The following MYBBP1A variants were observed in gnomAD, a reference collection of about 807,000 sequenced individuals.
The protein encoded by MYBBP1A is MYB binding protein 1a, also known as myb-binding protein 1A.
A neutral mutation model predicts 136.3 loss-of-function variants in MYBBP1A; 147 were observed. The ratio of observed to expected loss-of-function variants is 1.08; its 90% CI spans 0.94 to 1.24. The LOEUF is 1.24. Among genes scored for constraint, MYBBP1A ranks in the 50% most tolerant of loss-of-function variants. MYBBP1A has a pLI of 0.00. For missense variants in MYBBP1A, 2,060 were observed against 1,727.4 expected (o/e 1.19, Z -3.41); for synonymous variants, 947 against 735.8 (o/e 1.29, Z -4.65).
At position 4,545,624 on chromosome 17, in the gene MYBBP1A, G is replaced by A. The variant is rs139129692; in HGVS notation, c.2059C>T (p.Gln687Ter). ...TCCCAACTCACATCCAGAATTAGCT[G>A]CAGGGCACGCGGGGTCAGGTGGGAG... Reference protein sequence around the residue: ...ICSHLTPRALQLILDVLNPET... With the variant: ...ICSHLTPRAL Residue 687 changes from glutamine (Q) to a stop codon, truncating the protein, a stop_gained, in exon 15 of 26, where the codon CAG becomes TAG. Coordinates refer to ENST00000254718, the MANE Select transcript of MYBBP1A (RefSeq NM_014520.4). LOFTEE classifies it high-confidence loss of function. The A allele has an allele frequency of 3.1e-6, 5 of 1,591,596 alleles. No homozygotes were observed. Among genetic ancestry groups the A allele is most frequent in the Non-Finnish European group, 4.3e-6 (5 of 1,165,484 alleles).
In MYBBP1A at chr17:4,542,626, G is replaced by A. The variant is rs770194644; in HGVS notation, c.3008C>T (p.Ser1003Phe). ...LTVPMFLSLF[S>F]RHPVLCQSLL... ...GGCCCCAACACTCACCGGGTGCCGG[G>A]AGAAGAGGCTGAGGAACATGGGAAC... The change falls in exon 21 of 26, where the codon TCC becomes TTC. Residue 1003 changes from serine to phenylalanine, a missense_variant. Ser to Phe is a radical substitution (Grantham distance 155, BLOSUM62 -2). Coordinates refer to ENST00000254718, the MANE Select transcript of MYBBP1A (RefSeq NM_014520.4). 1.2e-6 allele frequency: 2 copies of A among 1,614,020 alleles called. No homozygotes were observed. Among genetic ancestry groups the A allele is most frequent in the African/African-American group, 1.3e-5 (1 of 75,036 alleles).
Position 4,548,415 on chromosome 17 carries a change from A to G in MYBBP1A, c.1557-105T>C, listed in dbSNP as rs1907194844. The G allele has an allele frequency of 6.2e-7, 1 of 1,604,988 alleles. No individual in the cohort carries two copies. Among genetic ancestry groups the G allele is most frequent in the Non-Finnish European group, 8.5e-7 (1 of 1,174,014 alleles). ...GTCTCCCGCCTCTCCAGGACCTACTAGAACTCCGGGGGCCTCTGCCGTTGT... is the reference window on the plus strand; with the variant it reads ...GTCTCCCGCCTCTCCAGGACCTACTGGAACTCCGGGGGCCTCTGCCGTTGT... On this transcript the variant is annotated intron_variant, in intron 11 of 25. Coordinates refer to ENST00000254718, the MANE Select transcript of MYBBP1A (RefSeq NM_014520.4). This position sits in a 1 kb window ranked among gnomAD's most constrained non-coding sequence, Gnocchi z 4.2.
intron 22 of MYBBP1A, 66 bp downstream of exon 22, chr17:4,542,398 A>C: frequency 1.3e-6 from 2 of 1,508,106 alleles, no homozygotes; most frequent in African/African-American, 2.8e-5. Flanking sequence ...CACAATATCC[A>C]GTCAGAAGAG....
chr17:4,554,825 T>C (rs781150946), intron 2 of MYBBP1A, 36 bp downstream of exon 2: 2 of 1,601,584 alleles, frequency 1.2e-6, no homozygotes, highest in South Asian at 1.1e-5. Context: ...CATTTTGACC[T>C]GGATGGCTGG....
rs537552292 is a variant in MYBBP1A at position 4,548,794 on chromosome 17, C to T, written c.1431-145G>A. 1.1e-4 allele frequency: 128 copies of T among 1,152,872 alleles called. No individual in the cohort carries two copies. The highest frequency in any genetic ancestry group is 6.6e-4 in the East Asian group (26 of 39,524). The allele number at this position is 1,152,872 out of a possible 1,614,324, so 71.4% of individuals were successfully genotyped here. On this transcript the variant is annotated intron_variant, in intron 10 of 25. Transcript: ENST00000254718. The surrounding 1 kb of genome is among the most constrained non-coding windows in gnomAD (Gnocchi z 4.2). ...CTGGGTACAGTCCTCGGGGGCCTGA[C>T]GGGCAAGGCTGGAGGGGGCTGGGCT...
At chr17:4,541,611 G>T in intron 23 of MYBBP1A, 47 bp from the exon 24 acceptor site, 1 of 1,583,706 alleles carries the variant, frequency 6.3e-7, no homozygotes, top group Non-Finnish European at 8.6e-7. Flanking sequence ...GCTGCTCAAA[G>T]CCTTTCTGTT....
rs747379010 is a variant in MYBBP1A, at chr17:4,542,623, C to T, written c.3011G>A (p.Arg1004Gln). 2.2e-5 allele frequency: 36 copies of T among 1,613,716 alleles called. No individual in the cohort carries two copies. Among genetic ancestry groups the T allele is most frequent in the East Asian group, 8.9e-5 (4 of 44,882 alleles). The change falls in exon 21 of 26, where the codon CGG becomes CAG. Residue 1004 changes from arginine (R) to glutamine (Q), a missense_variant. By Grantham distance (43) the Arg-to-Gln change is conservative. Coordinates refer to ENST00000254718, the MANE Select transcript of MYBBP1A (RefSeq NM_014520.4). ...TVPMFLSLFS[R>Q]HPVLCQSLLP... is the part of the protein sequence containing the mutation. The stretch of plus-strand genomic sequence containing the variant: ...GCAGGCCCCAACACTCACCGGGTGC[C>T]GGGAGAAGAGGCTGAGGAACATGGG...
Position 4,544,416 on chromosome 17 carries a change from A to G in MYBBP1A, c.2639+73T>C, listed in dbSNP as rs1208635502. The G allele has an allele frequency of 9.2e-6, 14 of 1,524,222 alleles. No homozygotes were observed. The South Asian group carries it at 9.7e-5, about 11-fold the overall frequency. The allele number at this position is 1,524,222 out of a possible 1,614,324, so 94.4% of individuals were successfully genotyped here. A position where few individuals can be genotyped will look rare whatever the true frequency, so the allele number is the denominator to read the frequency against. On this transcript the variant is annotated intron_variant, in intron 19 of 25. Coordinates refer to ENST00000254718, the MANE Select transcript of MYBBP1A (RefSeq NM_014520.4). Reference sequence around the variant, plus strand: ...CTCTCTCCTTCCTGTGCAGACAGCAAGCCTAGAGCTCTGGCTCTCCTGCGC... The same window carrying G: ...CTCTCTCCTTCCTGTGCAGACAGCAGGCCTAGAGCTCTGGCTCTCCTGCGC...
intron 13 of MYBBP1A, 191 bp downstream of exon 13, chr17:4,547,767 C>T: frequency 3.7e-6 from 2 of 534,902 alleles, no homozygotes; most frequent in Non-Finnish European, 6.6e-6. Context: ...AAGCCTAGGA[C>T]ACCAGCTGGT....
At chr17:4,540,134 GGGTCCTGCGAGGGTCCTGCGAGGC>G (rs1428566957) in intron 25 of MYBBP1A, among the ~76,000 whole-genome samples, 167 bp from the exon 26 acceptor site, 38 of 148,306 alleles carry the variant, frequency 2.6e-4, no homozygotes, top group African/African-American at 8.1e-4. Flanking sequence ...CGAGGCCCCT[GGGTCCTGCGAGGGTCCTGCGAGGC>G]TCCTGCGAGG....
chr17:4,545,215 C>A (rs1029940330), intron 16 of MYBBP1A, 40 bp from the exon 17 acceptor site: 2 of 1,612,840 alleles, frequency 1.2e-6, no homozygotes, highest in East Asian at 4.5e-5. Context: ...CCTCCCCGAT[C>A]GTCCCACTCC....
intron 19 of MYBBP1A, chr17:4,543,367 G>GAT: frequency 1.5e-6 from 1 of 668,990 alleles, no homozygotes; most frequent in Non-Finnish European, 2.5e-6. Flanking sequence ...GGGTGACAGG[G>GAT]GCGCTCCAGG....
At chr17:4,545,988 G>C in intron 13 of MYBBP1A, 46 bp from the exon 14 acceptor site, 2 of 1,573,656 alleles carry the variant, frequency 1.3e-6, no homozygotes, top group South Asian at 2.3e-5. Context: ...CCTGTCCCCA[G>C]CCCTTCTAAA....
In MYBBP1A at chr17:4,554,029, C is replaced by T. The variant is rs767133320; in HGVS notation, c.443G>A (p.Arg148Gln). The T allele has an allele frequency of 7.1e-5, 114 of 1,613,904 alleles. No homozygotes were observed. Among genetic ancestry groups the T allele is most frequent in the South Asian group, 3.0e-4 (27 of 91,078 alleles). ...CTCCAAAGCTCTTACCTTCACCAGCCGACCTGACTGAAAGAGGGCGAGCAC... is the reference window on the plus strand; with the variant it reads ...CTCCAAAGCTCTTACCTTCACCAGCTGACCTGACTGAAAGAGGGCGAGCAC... ...FGVLALFQSGRLVKDQEALMK... is the reference protein window; with the variant it reads ...FGVLALFQSGQLVKDQEALMK... The change falls in exon 4 of 26, where the codon CGG becomes CAG. Residue 148 changes from arginine (R) to glutamine (Q), a missense_variant. Coordinates refer to ENST00000254718, the MANE Select transcript of MYBBP1A (RefSeq NM_014520.4).
rs1159311813 is a variant in MYBBP1A, at chr17:4,539,907, G to A, written c.3495C>T (p.Ile1165=). The change falls in exon 26 of 26, where the codon ATC becomes ATT. Residue 1165 remains isoleucine, a synonymous_variant. Transcript: ENST00000254718. ...ATCCCTTTTTCTTCCGCTTCTTACT[G>A]ATGGGGCTCTGGGTGGCACTGGGGA... The part of the protein sequence containing the change: ...KEIPSATQSP[I]SKKRKKKGFL... 5.6e-6 allele frequency: 9 copies of A among 1,600,504 alleles called. No homozygotes were observed. The African/African-American group carries it at 8.0e-5, about 14-fold the overall frequency.
At chr17:4,540,704 C>T (rs1906334289) in intron 24 of MYBBP1A, among the ~76,000 whole-genome samples, 2 of 152,078 alleles carry the variant, frequency 1.3e-5, no homozygotes, top group African/African-American at 4.8e-5. Flanking sequence ...TAGCCAAAGG[C>T]CTGGTCTCAG....
At position 4,545,145 on chromosome 17, in the gene MYBBP1A, T is replaced by C; in HGVS notation, c.2191A>G (p.Ser731Gly). The C allele has an allele frequency of 6.2e-7, 1 of 1,613,326 alleles. No individual in the cohort carries two copies. Among genetic ancestry groups the C allele is most frequent in the Non-Finnish European group, 8.5e-7 (1 of 1,179,912 alleles). Residue 731 changes from serine to glycine, a missense_variant, in exon 17 of 26, where the codon AGC (serine) becomes GGC (glycine). Transcript: ENST00000254718. Reference sequence around the variant, plus strand: ...TCGCTCTCCTCTTCACTCTCTGAGCTTCTGTTGTCCTCACCTTCCTCGCTC... The same window carrying C: ...TCGCTCTCCTCTTCACTCTCTGAGCCTCTGTTGTCCTCACCTTCCTCGCTC... Reference protein sequence around the residue: ...DKSEEGEDNRSSESEEESEGE... With the variant: ...DKSEEGEDNRGSESEEESEGE...
At chr17:4,541,054 T>C (rs1906371876) in intron 24 of MYBBP1A, among the ~76,000 whole-genome samples, 1 of 152,030 alleles carries the variant, frequency 6.6e-6, no homozygotes, top group Non-Finnish European at 1.5e-5. Flanking sequence ...GGGACCCAGA[T>C]GGCCACCTCC....
In MYBBP1A at chr17:4,540,453, CCCAGGAGCACCG is replaced by C; in HGVS notation, c.3317_3328del (p.Thr1106_Gly1110delinsSer). The C allele has an allele frequency of 6.2e-7, 1 of 1,610,640 alleles. No homozygotes were observed. The highest frequency in any genetic ancestry group is 2.2e-5 in the East Asian group (1 of 44,800). ...GCTCTGCTGTTGCCCCTGCAGCACA[CCCAGGAGCACCG>C]TCAGGTCCAAGGTCAGCTTCTGCAG... On this transcript the variant is annotated inframe_deletion, in exon 25 of 26. Transcript: ENST00000254718.
Sources: gnomAD v4.1 joint callset for allele counts (sites outside exome capture counted in the v4.1 genomes callset) on GRCh38, gnomAD v4.1.1 for gene constraint, Gnocchi (gnomAD v3.1) non-coding constraint, MANE v1.5 for transcripts, NCBI Gene and HGNC (gene_info 2026-07-23, HGNC 2026-07-21) for gene names.